The following SPINK5 variants were observed in gnomAD, a reference collection of about 807,000 sequenced individuals.
The protein encoded by SPINK5 is serine peptidase inhibitor Kazal type 5, also known as serine protease inhibitor Kazal-type 5.
Under a neutral mutation model 151.8 loss-of-function variants are expected in SPINK5, and 125 were observed. The observed-to-expected ratio is 0.82, with a 90% confidence interval of 0.71 to 0.96. SPINK5 has a LOEUF of 0.96. SPINK5 is among the 40% of genes least tolerant of loss of function. SPINK5 has a pLI of 0.00. For missense variants in SPINK5, 1,194 were observed against 1,291.9 expected, an observed-to-expected ratio of 0.92 and a Z score of 1.16; for synonymous variants, 374 against 395.3, an observed-to-expected ratio of 0.95 and a Z score of 0.64.
intron 2 of SPINK5, among the ~76,000 whole-genome samples, chr5:148,066,370 C>T (rs1001031226): frequency 1.3e-5 from 2 of 152,092 alleles, no homozygotes; most frequent in Non-Finnish European, 2.9e-5. Context: ...ACTTAAAGCA[C>T]AATCTTAAAT....
chr5:148,065,261 C>A, intron 1 of SPINK5, 86 bp from the exon 2 acceptor site: 1 of 1,413,160 alleles, frequency 7.1e-7, no homozygotes, highest in African/African-American at 1.4e-5. Flanking sequence ...TTAAAGCAAT[C>A]AAGATGCTGC....
chr5:148,118,509 C>G lies in SPINK5; in HGVS notation c.2185C>G (p.Arg729Gly), dbSNP rs779491603. Reference protein sequence around the residue: ...LSCTRESDPVRDADGKSYNNQ... With the variant: ...LSCTRESDPVGDADGKSYNNQ... Reference sequence around the variant, plus strand: ...CTGTACTCGGGAGAGTGATCCTGTACGTGATGCTGATGGCAAATCGTACAA... The same window carrying G: ...CTGTACTCGGGAGAGTGATCCTGTAGGTGATGCTGATGGCAAATCGTACAA... The change falls in exon 23 of 33, where the codon CGT (arginine) becomes GGT (glycine). Residue 729 changes from arginine (R) to glycine (G), a missense_variant. Transcript: ENST00000256084. 1.2e-6 allele frequency: 2 copies of G among 1,614,042 alleles called. No homozygotes were observed. Among genetic ancestry groups the G allele is most frequent in the African/African-American group, 1.3e-5 (1 of 75,014 alleles).
chr5:148,122,697 T>C (rs1299898664), intron 26 of SPINK5, among the ~76,000 whole-genome samples: 1 of 152,182 alleles, frequency 6.6e-6, no homozygotes, highest in Non-Finnish European at 1.5e-5. Context: ...AGGTATAACC[T>C]GGTGGTTAGC....
In SPINK5 at chr5:148,094,462, G is replaced by C. The variant is rs369086301; in HGVS notation, c.775G>C (p.Ala259Pro). The change falls in exon 9 of 33, where the codon GCC (alanine) becomes CCC (proline). Residue 259 changes from alanine to proline, a missense_variant. Physicochemically the swap from Ala to Pro is conservative, Grantham distance 27. Transcript: ENST00000256084. ...PDGRMHGNKCALCAEIFKQRF... is the reference protein window; with the variant it reads ...PDGRMHGNKCPLCAEIFKQRF... ...CGGCAGGATGCATGGCAACAAATGTGCCCTGTGTGCTGAAATTTTGTGAGT... is the reference window on the plus strand; with the variant it reads ...CGGCAGGATGCATGGCAACAAATGTCCCCTGTGTGCTGAAATTTTGTGAGT... 5.6e-6 allele frequency: 9 copies of C among 1,612,624 alleles called. No individual in the cohort carries two copies. In the East Asian group the frequency reaches 2.0e-4, roughly 36 times the overall value.
Position 148,118,509 on chromosome 5 carries a change from C to A in SPINK5, c.2185C>A (p.Arg729Ser). The change falls in exon 23 of 33, where the codon CGT becomes AGT. Residue 729 changes from arginine to serine, a missense_variant. Transcript: ENST00000256084. ...LSCTRESDPV[R>S]DADGKSYNNQ... is the part of the protein sequence containing the mutation. ...CTGTACTCGGGAGAGTGATCCTGTACGTGATGCTGATGGCAAATCGTACAA... is the reference window on the plus strand; with the variant it reads ...CTGTACTCGGGAGAGTGATCCTGTAAGTGATGCTGATGGCAAATCGTACAA... The A allele has an allele frequency of 6.2e-7, 1 of 1,614,042 alleles. No individual in the cohort carries two copies. The highest frequency in any genetic ancestry group is 8.5e-7 in the Non-Finnish European group (1 of 1,179,986).
At chr5:148,107,316 C>A in intron 17 of SPINK5, 152 bp downstream of exon 17, 2 of 1,053,914 alleles carry the variant, frequency 1.9e-6, no homozygotes, top group Non-Finnish European at 2.8e-6. Context: ...AATATTGAAT[C>A]ATATAGTGAC....
intron 4 of SPINK5, among the ~76,000 whole-genome samples, chr5:148,083,719 C>CT (rs1327957330): frequency 1.3e-5 from 2 of 151,192 alleles, no homozygotes; most frequent in African/African-American, 2.4e-5. Context: ...CTCTTTTATT[C>CT]TTTTTTTGTT....
chr5:148,114,979 T>G (rs1486349386), intron 21 of SPINK5, among the ~76,000 whole-genome samples: 1 of 152,210 alleles, frequency 6.6e-6, no homozygotes, highest in Non-Finnish European at 1.5e-5. Flanking sequence ...ATGTGTATAA[T>G]GTGTATAATG....
chr5:148,127,476 A>G (rs1754459642), intron 30 of SPINK5, among the ~76,000 whole-genome samples: 1 of 152,162 alleles, frequency 6.6e-6, no homozygotes, highest in South Asian at 2.1e-4. Context: ...CTGTTTCTAC[A>G]TCCTGGAACT....
intron 16 of SPINK5, among the ~76,000 whole-genome samples, chr5:148,105,385 C>T (rs1041553348): frequency 2.6e-5 from 4 of 152,118 alleles, no homozygotes; most frequent in Non-Finnish European, 4.4e-5. Flanking sequence ...ATTTACAAAA[C>T]GAAAGCACAT....
chr5:148,111,269 A>G (rs10036463), intron 18 of SPINK5, among the ~76,000 whole-genome samples: 7,597 of 152,080 alleles, frequency 0.05, 645 homozygotes, highest in African/African-American at 0.17. Context: ...TCTGTCTTCC[A>G]TCTCGCTCTT....
chr5:148,133,445 T>G (rs1754621489), intron 31 of SPINK5, among the ~76,000 whole-genome samples: 1 of 152,202 alleles, frequency 6.6e-6, no homozygotes, highest in South Asian at 2.1e-4. Context: ...GGTCGTATTA[T>G]TGGTACTCAA....
chr5:148,100,550 G>A lies in SPINK5; in HGVS notation c.1189G>A (p.Gly397Ser), dbSNP rs761863957. ...PIQGPDGKVHGNTCSMCEVFF... is the reference protein window; with the variant it reads ...PIQGPDGKVHSNTCSMCEVFF... ...CCAGGGCCCAGATGGGAAAGTGCAT[G>A]GCAACACCTGCTCCATGTGTGAGGT... is the stretch of plus-strand genomic sequence containing the variant. The change falls in exon 13 of 33, where the codon GGC becomes AGC. Residue 397 changes from glycine (G) to serine (S), a missense_variant. Transcript: ENST00000256084. 2 of 1,613,076 alleles carry A rather than the reference G, an allele frequency of 1.2e-6. No individual in the cohort carries two copies. The highest frequency in any genetic ancestry group is 2.2e-5 in the East Asian group (1 of 44,824).
At position 148,123,961 on chromosome 5, in the gene SPINK5, G is replaced by A. The variant is rs1754362343; in HGVS notation, c.2666+1G>A. 1.9e-6 allele frequency: 3 copies of A among 1,613,688 alleles called. No individual in the cohort carries two copies. The highest frequency in any genetic ancestry group is 1.7e-5 in the Admixed American group (1 of 59,978). On this transcript the variant is annotated splice_donor_variant, in intron 27 of 32. Coordinates refer to ENST00000256084, the MANE Select transcript of SPINK5 (RefSeq NM_006846.4). LOFTEE classifies it high-confidence loss of function. ...AATGTGCTATGTGTCAGAGCATCTT[G>A]TACGTAAAAAGGTTTATCAATAAAT...
chr5:148,098,309 T>C (rs1412212406), intron 11 of SPINK5, among the ~76,000 whole-genome samples: 3 of 152,056 alleles, frequency 2.0e-5, no homozygotes, highest in Non-Finnish European at 4.4e-5. Context: ...AGGTATCTCA[T>C]CTTCCATGGG....
intron 4 of SPINK5, among the ~76,000 whole-genome samples, chr5:148,081,697 G>T: frequency 6.6e-6 from 1 of 151,560 alleles, no homozygotes; most frequent in African/African-American, 2.4e-5. Flanking sequence ...GGCGATGGCT[G>T]TACAACTCTT....
chr5:148,099,387 A>C, intron 12 of SPINK5, 72 bp downstream of exon 12: 1 of 1,374,852 alleles, frequency 7.3e-7, no homozygotes, highest in Non-Finnish European at 1.0e-6. Flanking sequence ...CTAAAGGGTG[A>C]GATTTTGCCC....
intron 8 of SPINK5, among the ~76,000 whole-genome samples, chr5:148,093,740 G>T (rs974745682): frequency 6.7e-6 from 1 of 150,314 alleles, no homozygotes; most frequent in Non-Finnish European, 1.5e-5. Flanking sequence ...GACCCCTATT[G>T]ATCTGAAAGT....
At chr5:148,136,881 A>G in intron 32 of SPINK5, 102 bp from the exon 33 acceptor site, 1 of 1,432,584 alleles carries the variant, frequency 7.0e-7, no homozygotes, top group Non-Finnish European at 9.8e-7. Context: ...AGAATGCAGG[A>G]TCTATGGATT....
Sources: allele counts gnomAD v4.1 joint callset (sites outside exome capture counted in the v4.1 genomes callset), GRCh38; gene constraint gnomAD v4.1.1; transcripts MANE v1.5; gene names NCBI Gene and HGNC (gene_info 2026-07-23, HGNC 2026-07-21).